The following NAV1 variants were observed in gnomAD, a reference collection of about 807,000 sequenced individuals.
The protein encoded by NAV1 is pore membrane and/or filament interacting like protein 3.
In NAV1, 18 loss-of-function variants were observed where a neutral mutation model predicts 175.2. The ratio of observed to expected loss-of-function variants is 0.10; its 90% CI spans 0.07 to 0.15. The LOEUF is 0.15. Among genes scored for constraint, NAV1 ranks in the 10% least tolerant of loss-of-function variants. The pLI, the probability that NAV1 is intolerant of heterozygous loss-of-function variation, is 1.00. For missense variants in NAV1, 1,731 were observed against 2,436.6 expected, an observed-to-expected ratio of 0.71 and a Z score of 6.10; for synonymous variants, 897 against 978.7, an observed-to-expected ratio of 0.92 and a Z score of 1.56.
At chr1:201,540,208 C>A (rs928105649) in intron 1 of NAV1, among the ~76,000 whole-genome samples, 1 of 152,070 alleles carries the variant, frequency 6.6e-6, no homozygotes, top group Non-Finnish European at 1.5e-5. Flanking sequence ...GGTTCCTTGT[C>A]CCCTGGAGCC....
chr1:201,582,621 GA>G, intron 1 of NAV1, among the ~76,000 whole-genome samples: 1 of 152,352 alleles, frequency 6.6e-6, no homozygotes, highest in African/African-American at 2.4e-5. Flanking sequence ...GAATGGATGG[GA>G]AGGAAAGGTC....
At position 201,788,756 on chromosome 1, in the gene NAV1, A is replaced by G; in HGVS notation, c.3166+118A>G. The G allele has an allele frequency of 8.0e-7, 1 of 1,257,128 alleles. No homozygotes were observed. Among genetic ancestry groups the G allele is most frequent in the Non-Finnish European group, 1.1e-6 (1 of 917,698 alleles). The allele number at this position is 1,257,128 out of a possible 1,614,324, so 77.9% of individuals were successfully genotyped here. ...CACATATATGATTCACAGAACATCAAGTTGGGCCATTTCAGTTTTTTCTCC... is the reference window on the plus strand; with the variant it reads ...CACATATATGATTCACAGAACATCAGGTTGGGCCATTTCAGTTTTTTCTCC... On this transcript the variant is annotated intron_variant, in intron 10 of 29. Coordinates refer to ENST00000367296, the Ensembl canonical transcript of NAV1. This position sits in a 1 kb window ranked among gnomAD's most constrained non-coding sequence, Gnocchi z 5.7.
chr1:201,645,401 T>TGGGTGG (rs1292384639), upstream of NAV1, among the ~76,000 whole-genome samples: 2 of 66,932 alleles, frequency 3.0e-5, no homozygotes, highest in African/African-American at 1.2e-4. Flanking sequence ...GGGACTGTTG[T>TGGGTGG]GGGGTGGGGG....
intron 17 of NAV1, among the ~76,000 whole-genome samples, chr1:201,805,947 G>A (rs1390221059): frequency 6.6e-6 from 1 of 151,394 alleles, no homozygotes; most frequent in African/African-American, 2.4e-5. Flanking sequence ...TGATACCATC[G>A]TCAAATAAAT....
intron 2 of NAV1, among the ~76,000 whole-genome samples, chr1:201,714,663 C>T (rs1234226884): frequency 5.3e-5 from 8 of 152,126 alleles, no homozygotes; most frequent in Non-Finnish European, 1.2e-4. Flanking sequence ...TAGGACCCAG[C>T]GGATGAAATC....
At chr1:201,775,140 A>G (rs925962433) in intron 3 of NAV1, among the ~76,000 whole-genome samples, 7 of 152,192 alleles carry the variant, frequency 4.6e-5, no homozygotes, top group Admixed American at 2.0e-4. Flanking sequence ...ATCTGCTCCC[A>G]AAGGGGGAGC....
intron 3 of NAV1, among the ~76,000 whole-genome samples, chr1:201,774,451 A>G (rs1010289896): frequency 6.6e-6 from 1 of 152,180 alleles, no homozygotes; most frequent in African/African-American, 2.4e-5. Flanking sequence ...CAGGATGGAC[A>G]GTGTCCATCC....
chr1:201,679,689 T>C (rs539886535), intron 1 of NAV1, among the ~76,000 whole-genome samples: 6 of 152,316 alleles, frequency 3.9e-5, no homozygotes, highest in African/African-American at 1.2e-4. Flanking sequence ...AGAGGTTGAG[T>C]AACTTGCCTG....
intron 1 of NAV1, among the ~76,000 whole-genome samples, chr1:201,656,562 T>C (rs1213080764): frequency 6.6e-6 from 1 of 152,138 alleles, no homozygotes; most frequent in East Asian, 1.9e-4. Context: ...CTGAGGCAAG[T>C]ATGACGAGAG....
intron 1 of NAV1, among the ~76,000 whole-genome samples, chr1:201,625,609 A>G (rs1668307038): frequency 6.6e-6 from 1 of 152,222 alleles, no homozygotes; most frequent in Non-Finnish European, 1.5e-5. Flanking sequence ...TCTGAAGCTG[A>G]TGAGAGAACT....
chr1:201,615,263 C>CTTT (rs1256633287), intron 2 of NAV1, among the ~76,000 whole-genome samples: 2,037 of 144,942 alleles, frequency 0.014, 49 homozygotes, highest in African/African-American at 0.044. Flanking sequence ...TTCTTTCTTT[C>CTTT]TTTCTTTTTT....
intron 17 of NAV1, among the ~76,000 whole-genome samples, chr1:201,805,805 C>T (rs1472493982): frequency 6.6e-6 from 1 of 151,946 alleles, no homozygotes; most frequent in African/African-American, 2.4e-5. Flanking sequence ...TGCCTGTGGT[C>T]CCAGCTACTT....
chr1:201,680,248 G>T (rs1042025766), intron 1 of NAV1, among the ~76,000 whole-genome samples: 1 of 152,140 alleles, frequency 6.6e-6, no homozygotes, highest in African/African-American at 2.4e-5. Context: ...GGTGGCTCAC[G>T]CCTGTAATCC....
At chr1:201,742,441 C>G (rs1375521394) in intron 3 of NAV1, among the ~76,000 whole-genome samples, 1 of 152,174 alleles carries the variant, frequency 6.6e-6, no homozygotes, top group East Asian at 1.9e-4. Context: ...TCTCTGGATG[C>G]CTGGGATTCT....
intron 2 of NAV1, among the ~76,000 whole-genome samples, chr1:201,640,167 C>T (rs1668710503): frequency 6.6e-6 from 1 of 152,168 alleles, no homozygotes; most frequent in South Asian, 2.1e-4. Context: ...CTCTCTGGAG[C>T]CCACACACCT....
intron 1 of NAV1, among the ~76,000 whole-genome samples, chr1:201,562,171 A>ATTTTTTTTTT (rs566214709): frequency 3.5e-4 from 44 of 127,224 alleles, no homozygotes; most frequent in African/African-American, 9.1e-4. Flanking sequence ...TGCCTGGCTA[A>ATTTTTTTTTT]TTTTTTTTTT....
At chr1:201,581,204 T>G (rs544098691) in intron 1 of NAV1, among the ~76,000 whole-genome samples, 174 of 152,240 alleles carry the variant, frequency 1.1e-3, no homozygotes, top group African/African-American at 3.9e-3. Flanking sequence ...GCGAGCAGGT[T>G]TTTGTTACGG....
chr1:201,701,221 T>C (rs1036724808), intron 1 of NAV1, among the ~76,000 whole-genome samples: 2 of 146,206 alleles, frequency 1.4e-5, no homozygotes, highest in African/African-American at 2.6e-5. Flanking sequence ...ATGAGAACAC[T>C]TGGACACAGG....
chr1:201,573,594 G>A (rs1197596913), intron 1 of NAV1, among the ~76,000 whole-genome samples: 1 of 152,146 alleles, frequency 6.6e-6, no homozygotes, highest in Non-Finnish European at 1.5e-5. Context: ...GACAGAGGGA[G>A]GCCCAAATTG....
Sources: allele counts gnomAD v4.1 joint callset (sites outside exome capture counted in the v4.1 genomes callset), GRCh38; gene constraint gnomAD v4.1.1; non-coding constraint Gnocchi (gnomAD v3.1); transcripts MANE v1.5; gene names NCBI Gene and HGNC (gene_info 2026-07-23, HGNC 2026-07-21).